TOGARAM2: variants seen among roughly 807,000 people sequenced by gnomAD.
The protein encoded by TOGARAM2 is TOG array regulator of axonemal microtubules 2, also known as TOG array regulator of axonemal microtubules protein 2.
TOGARAM2 carries 85 observed loss-of-function variants against 93.3 expected under a neutral mutation model. The ratio of observed to expected loss-of-function variants is 0.91; its 90% CI spans 0.76 to 1.09. The LOEUF (loss-of-function observed/expected upper bound fraction) is 1.09. Among genes scored for constraint, TOGARAM2 ranks in the 50% least tolerant of loss-of-function variants. The probability of loss-of-function intolerance (pLI) is 0.00; values close to 1 mark genes in which losing one functional copy is unlikely to be tolerated. For synonymous variants in TOGARAM2, 593 were observed against 552.8 expected (o/e 1.07, Z -1.02); for missense variants, 1,277 against 1,334.5 (o/e 0.96, Z 0.67).
chr2:29,008,127 TTTTA>T (rs138813644), intron 6 of TOGARAM2, among the ~76,000 whole-genome samples: 11,430 of 152,198 alleles, frequency 0.075, 501 homozygotes, highest in African/African-American at 0.12. Context: ...ATTTATTTTG[TTTTA>T]TTTATTTGTT....
At chr2:28,989,771 C>G (rs1217969920) in intron 1 of TOGARAM2, among the ~76,000 whole-genome samples, 1 of 152,232 alleles carries the variant, frequency 6.6e-6, no homozygotes, top group Non-Finnish European at 1.5e-5. Flanking sequence ...CTCAAGCGAT[C>G]AGACAGCCTT....
upstream of TOGARAM2, among the ~76,000 whole-genome samples, chr2:28,978,196 C>A (rs565799881): frequency 1.3e-5 from 2 of 152,230 alleles, 1 homozygote; most frequent in East Asian, 3.9e-4. Context: ...CGTGAGCCAC[C>A]GTGCCCGGCC....
At chr2:29,008,879 C>T (rs530185371) in intron 6 of TOGARAM2, among the ~76,000 whole-genome samples, 12 of 152,288 alleles carry the variant, frequency 7.9e-5, no homozygotes, top group African/African-American at 2.6e-4. Context: ...GGATTAGTTC[C>T]GTAATAAATA....
rs1438725511 is a variant in TOGARAM2, at chr2:29,005,408, T to TGC, written c.830+1727_830+1728insCG. On this transcript the variant is annotated intron_variant, in intron 6 of 19. Transcript: ENST00000379558. Reference sequence around the variant, plus strand: ...TGGGTGCATGTATGTGGAGTGTGTGTGTGCGTGTGTGAGAGCATGCATGTG... The same window carrying TGC: ...TGGGTGCATGTATGTGGAGTGTGTGTGCGTGCGTGTGTGAGAGCATGCATGTG... Among the ~76,000 whole-genome samples the TGC allele has an allele frequency of 7.4e-4, 34 of 45,836 alleles. 1 individual carries two copies. Among genetic ancestry groups the TGC allele is most frequent in the African/African-American group, 1.1e-3 (19 of 16,542 alleles). The allele number at this position is 45,836 out of a possible 152,430, so 30.1% of individuals were successfully genotyped here. A position where few individuals can be genotyped will look rare whatever the true frequency, so the allele number is the denominator to read the frequency against.
chr2:29,003,397 G>A, intron 5 of TOGARAM2, 95 bp from the exon 6 acceptor site: 3 of 1,076,764 alleles, frequency 2.8e-6, no homozygotes, highest in Non-Finnish European at 3.7e-6. Flanking sequence ...GCTGAAAAGA[G>A]ACAGCAGGTC....
chr2:28,961,740 A>C (rs547078737), intron 1 of TOGARAM2, among the ~76,000 whole-genome samples: 1 of 152,362 alleles, frequency 6.6e-6, no homozygotes, highest in African/African-American at 2.4e-5. Flanking sequence ...ATCCAGATAC[A>C]GAAGATTTCT....
intron 1 of TOGARAM2, among the ~76,000 whole-genome samples, chr2:28,988,483 G>C (rs1209962106): frequency 1.3e-5 from 2 of 152,112 alleles, no homozygotes; most frequent in Non-Finnish European, 2.9e-5. Flanking sequence ...TCCCTCAGCT[G>C]TTAGCACTGG....
At chr2:28,995,742 T>A (rs747454192) in intron 2 of TOGARAM2, among the ~76,000 whole-genome samples, 1 of 152,256 alleles carries the variant, frequency 6.6e-6, no homozygotes, top group Non-Finnish European at 1.5e-5. Context: ...TTAGCTTATT[T>A]CCTCAAGGTC....
chr2:28,963,648 A>T (rs892005443), intron 1 of TOGARAM2, among the ~76,000 whole-genome samples: 2 of 152,120 alleles, frequency 1.3e-5, no homozygotes, highest in Admixed American at 6.5e-5. Context: ...GCTTCCCAAC[A>T]TGCTGGGATG....
intron 1 of TOGARAM2, among the ~76,000 whole-genome samples, chr2:28,982,928 T>G (rs375333706): frequency 1.3e-5 from 2 of 152,216 alleles, no homozygotes; most frequent in African/African-American, 4.8e-5. Flanking sequence ...ATCATGCTAC[T>G]AATTTTTCCT....
At position 28,988,662 on chromosome 2, in the gene TOGARAM2, A is replaced by C. The variant is rs144347394; in HGVS notation, c.-110-6063A>C. Among the ~76,000 whole-genome samples the C allele has an allele frequency of 1.2e-3, 190 of 152,296 alleles. 1 individual carries two copies. Among genetic ancestry groups the C allele is most frequent in the African/African-American group, 4.2e-3 (176 of 41,560 alleles). ...ACAAACAAGCAAACAACACAGCTTC[A>C]TCCACCCTTCATTCCCCTCCAGCTA... On this transcript the variant is annotated intron_variant, in intron 1 of 19. Coordinates refer to ENST00000379558, the MANE Select transcript of TOGARAM2 (RefSeq NM_199280.4).
intron 1 of TOGARAM2, among the ~76,000 whole-genome samples, chr2:28,957,711 C>G (rs899411662): frequency 2.6e-5 from 4 of 152,166 alleles, no homozygotes; most frequent in African/African-American, 9.7e-5. Context: ...TTACCACACT[C>G]TTACCTCATG....
At chr2:29,039,775 G>A (rs1666323033) in intron 18 of TOGARAM2, among the ~76,000 whole-genome samples, 1 of 152,196 alleles carries the variant, frequency 6.6e-6, no homozygotes, top group Admixed American at 6.5e-5. Context: ...TGATTTCAGG[G>A]GAATTATTCT....
chr2:28,994,351 C>A (rs770948172), intron 1 of TOGARAM2, among the ~76,000 whole-genome samples: 1 of 152,182 alleles, frequency 6.6e-6, no homozygotes, highest in Non-Finnish European at 1.5e-5. Context: ...TCGCCATGGG[C>A]TTTCAGGGCA....
intron 1 of TOGARAM2, among the ~76,000 whole-genome samples, chr2:28,986,112 CA>C (rs34903095): frequency 2.6e-3 from 246 of 95,056 alleles, no homozygotes; most frequent in East Asian, 0.011. Flanking sequence ...AACTGTGTCT[CA>C]AAAAAAAAAA....
chr2:29,045,637 T>C, intron 19 of TOGARAM2: 2 of 535,804 alleles, frequency 3.7e-6, no homozygotes, highest in Non-Finnish European at 6.7e-6. Context: ...CAAAAGTGTT[T>C]TTAAAAAACT....
chr2:29,031,075 T>A (rs1472423977), intron 14 of TOGARAM2, among the ~76,000 whole-genome samples: 1 of 152,264 alleles, frequency 6.6e-6, no homozygotes, highest in Non-Finnish European at 1.5e-5. Context: ...TTAATATTTT[T>A]AAAATTGGCA....
intron 18 of TOGARAM2, among the ~76,000 whole-genome samples, chr2:29,041,853 T>C (rs1666458895): frequency 6.6e-6 from 1 of 152,238 alleles, no homozygotes; most frequent in East Asian, 1.9e-4. Flanking sequence ...TCTCTACCAT[T>C]GTGGTTGCTG....
intron 8 of TOGARAM2, 35 bp from the exon 9 acceptor site, chr2:29,017,119 G>T (rs1664624483): frequency 1.3e-6 from 2 of 1,597,066 alleles, no homozygotes; most frequent in African/African-American, 2.7e-5. Flanking sequence ...TGAATGAATG[G>T]GAGGTTAATA....
Sources: gnomAD v4.1 joint callset for allele counts (sites outside exome capture counted in the v4.1 genomes callset) on GRCh38, gnomAD v4.1.1 for gene constraint, MANE v1.5 for transcripts, NCBI Gene and HGNC (gene_info 2026-07-23, HGNC 2026-07-21) for gene names.